RHEX: variants seen among roughly 807,000 people sequenced by gnomAD.
RHEX encodes the protein regulator of hemoglobinization and erythroid cell expansion protein.
Under a neutral mutation model 20.1 loss-of-function variants are expected in RHEX, and 18 were observed. The observed-to-expected ratio is 0.90, with a 90% CI of 0.62 to 1.33. RHEX has a LOEUF of 1.33. Ranked by LOEUF, RHEX falls within the 40% of genes most tolerant of loss-of-function variation. RHEX has a pLI of 0.00. For synonymous variants in RHEX, 87 were observed against 77.1 expected (o/e 1.13, Z -0.67); for missense variants, 192 against 214.3 (o/e 0.90, Z 0.65).
At position 206,077,249 on chromosome 1, in the gene RHEX, A is replaced by G. The variant is rs1248019008; in HGVS notation, c.-96-20484A>G. 3.9e-5 allele frequency among the ~76,000 whole-genome samples: 6 copies of G among 152,152 alleles called. 1 individual carries two copies. The East Asian group carries it at 7.7e-4, about 20-fold the overall frequency. On this transcript the variant is annotated intron_variant, in intron 1 of 5. Transcript: ENST00000331555. ...ATGACTTGGAAGGATTCCTTATGTGAAGTGAAAAAAAAAGATGTCTAAGCT... is the reference window on the plus strand; with the variant it reads ...ATGACTTGGAAGGATTCCTTATGTGGAGTGAAAAAAAAAGATGTCTAAGCT...
At chr1:206,099,356 T>C (rs546446154) in intron 3 of RHEX, among the ~76,000 whole-genome samples, 171 of 151,846 alleles carry the variant, frequency 1.1e-3, no homozygotes, top group Non-Finnish European at 1.8e-3. Context: ...TCTCACTCTG[T>C]CCCCCAGGCT....
intron 1 of RHEX, chr1:206,060,358 C>G (rs1662286652): frequency 6.6e-6 from 1 of 152,266 alleles, no homozygotes; most frequent in Non-Finnish European, 1.5e-5. Flanking sequence ...GAATTACCTT[C>G]CTATCTCCTT....
In RHEX at chr1:206,101,715, G is replaced by C. The variant is rs782677843; in HGVS notation, c.319-37G>C. ...GGTCTTATTTCCCCCAAACGTGGTA[G>C]GGATCTTGACCCACATGTCTCTGCT... On this transcript the variant is annotated intron_variant, in intron 5 of 5. Coordinates refer to ENST00000331555, the MANE Select transcript of RHEX (RefSeq NM_001007544.4). 1.3e-5 allele frequency: 19 copies of C among 1,513,630 alleles called. No homozygotes were observed. The South Asian group carries it at 1.7e-4, about 14-fold the overall frequency. 93.8% of individuals were successfully genotyped at this position (1,513,630 alleles called of 1,614,324 possible).
At chr1:206,066,562 A>G (rs1178828723) in intron 1 of RHEX, among the ~76,000 whole-genome samples, 1 of 152,200 alleles carries the variant, frequency 6.6e-6, no homozygotes, top group African/African-American at 2.4e-5. Context: ...GTTTGCAGTG[A>G]GCTGAGATTG....
chr1:206,095,629 C>T (rs1553287567), intron 1 of RHEX, among the ~76,000 whole-genome samples: 3 of 152,098 alleles, frequency 2.0e-5, no homozygotes, highest in Admixed American at 6.5e-5. Flanking sequence ...CCAGCCTGAC[C>T]AACATGGAGA....
chr1:206,086,080 C>T (rs907901382), intron 1 of RHEX, among the ~76,000 whole-genome samples: 2 of 152,126 alleles, frequency 1.3e-5, no homozygotes, highest in African/African-American at 4.8e-5. Flanking sequence ...CTCAGCCTGG[C>T]GTTTTGACCT....
intron 1 of RHEX, among the ~76,000 whole-genome samples, chr1:206,055,182 C>G (rs1377054512): frequency 6.6e-6 from 1 of 152,266 alleles, no homozygotes; most frequent in African/African-American, 2.4e-5. Context: ...TCCCAAAGTC[C>G]CTGCGGGTCA....
At chr1:206,053,998 T>C (rs570249034) in intron 1 of RHEX, among the ~76,000 whole-genome samples, 3 of 152,232 alleles carry the variant, frequency 2.0e-5, no homozygotes, top group South Asian at 4.1e-4. Context: ...TCAACAAAAG[T>C]GAAGTTTGCT....
intron 1 of RHEX, among the ~76,000 whole-genome samples, chr1:206,096,512 G>T (rs1328950548): frequency 6.6e-6 from 1 of 152,246 alleles, no homozygotes; most frequent in Non-Finnish European, 1.5e-5. Flanking sequence ...TTGTGCAGCT[G>T]CCCTGGCAGG....
intron 4 of RHEX, 118 bp from the exon 5 acceptor site, chr1:206,101,018 G>T: frequency 2.4e-5 from 17 of 695,856 alleles, no homozygotes; most frequent in South Asian, 9.7e-5. Context: ...CCTTTTTGTT[G>T]CTGGCTCTGC....
At chr1:206,066,391 C>G (rs1407164677) in intron 1 of RHEX, among the ~76,000 whole-genome samples, 1 of 152,202 alleles carries the variant, frequency 6.6e-6, no homozygotes, top group Non-Finnish European at 1.5e-5. Context: ...CCGAGGCGGA[C>G]GGATCACTTG....
At chr1:206,077,179 G>A (rs1662650257) in intron 1 of RHEX, among the ~76,000 whole-genome samples, 1 of 152,164 alleles carries the variant, frequency 6.6e-6, no homozygotes, top group African/African-American at 2.4e-5. Flanking sequence ...TGCCTGGAAT[G>A]AACTCTGGCC....
chr1:206,097,028 G>C (rs1438650106), intron 1 of RHEX, among the ~76,000 whole-genome samples: 1 of 152,100 alleles, frequency 6.6e-6, no homozygotes, highest in African/African-American at 2.4e-5. Flanking sequence ...GCCCACCTCA[G>C]CCTCCAAAAG....
chr1:206,057,556 T>C (rs1662217030), intron 1 of RHEX, among the ~76,000 whole-genome samples: 1 of 152,274 alleles, frequency 6.6e-6, no homozygotes. Flanking sequence ...CCACCCAGAA[T>C]TGCACTGGGA....
rs879997141 is a variant in RHEX at position 206,070,045 on chromosome 1, T to TA, written c.-97+16793dup. Among the ~76,000 whole-genome samples the TA allele has an allele frequency of 8.1e-3, 1,165 of 143,424 alleles. 8 individuals are homozygous for TA. The highest frequency in any genetic ancestry group is 0.025 in the African/African-American group (988 of 39,474). 94.1% of individuals were successfully genotyped at this position (143,424 alleles called of 152,430 possible). On this transcript the variant is annotated intron_variant, in intron 1 of 5. Coordinates refer to ENST00000331555, the MANE Select transcript of RHEX (RefSeq NM_001007544.4). The stretch of plus-strand genomic sequence containing the variant: ...AACAGAAAAAAATAGCATTTACTAT[T>TA]AAAAAAAAAAAAAGAATTAGTCTTT...
chr1:206,094,288 G>T (rs1553287418), intron 1 of RHEX, among the ~76,000 whole-genome samples: 1 of 152,058 alleles, frequency 6.6e-6, no homozygotes, highest in African/African-American at 2.4e-5. Context: ...TGCTCATTGT[G>T]GTTAGGGGCC....
intron 1 of RHEX, among the ~76,000 whole-genome samples, chr1:206,094,351 T>C (rs34292472): frequency 0.12 from 18,972 of 152,162 alleles, 1,442 homozygotes; most frequent in African/African-American, 0.21. Flanking sequence ...TTGGATCTTA[T>C]CTCCAAACTG....
chr1:206,094,077 T>C (rs555364817), intron 1 of RHEX, among the ~76,000 whole-genome samples: 1 of 152,154 alleles, frequency 6.6e-6, no homozygotes, highest in South Asian at 2.1e-4. Context: ...CGTCCCTACC[T>C]CGAGGATGGA....
At chr1:206,076,158 T>C (rs1662633650) in intron 1 of RHEX, among the ~76,000 whole-genome samples, 1 of 137,662 alleles carries the variant, frequency 7.3e-6, no homozygotes, top group African/African-American at 2.9e-5. Flanking sequence ...CCAGGGAGTC[T>C]TTTTTTTTTT....
Sources: allele counts gnomAD v4.1 joint callset (sites outside exome capture counted in the v4.1 genomes callset), GRCh38; gene constraint gnomAD v4.1.1; transcripts MANE v1.5; gene names NCBI Gene and HGNC (gene_info 2026-07-23, HGNC 2026-07-21).